The following GRIN2B variants were observed in gnomAD, a reference collection of about 807,000 sequenced individuals.
GRIN2B encodes the protein glutamate ionotropic receptor NMDA type subunit 2B, also known as glutamate receptor ionotropic, NMDA 2B.
A neutral mutation model predicts 114.5 loss-of-function variants in GRIN2B; 5 were observed. The observed-to-expected ratio is 0.04, with a 90% CI of 0.02 to 0.09. The LOEUF (loss-of-function observed/expected upper bound fraction) is 0.09. GRIN2B is among the 10% of genes least tolerant of loss of function. The probability of loss-of-function intolerance (pLI) is 1.00; values close to 1 mark genes in which losing one functional copy is unlikely to be tolerated. For synonymous variants in GRIN2B, 787 were observed against 745.1 expected, an observed-to-expected ratio of 1.06 and a Z score of -0.92; for missense variants, 1,108 against 1,943.5, an observed-to-expected ratio of 0.57 and a Z score of 8.08.
intron 4 of GRIN2B, among the ~76,000 whole-genome samples, chr12:13,745,277 C>T (rs1418206114): frequency 6.6e-6 from 1 of 152,188 alleles, no homozygotes; most frequent in Non-Finnish European, 1.5e-5. Flanking sequence ...TTACCCCCAC[C>T]CAGGCAGCCT....
chr12:13,763,894 G>A (rs1162246709), intron 3 of GRIN2B, among the ~76,000 whole-genome samples: 3 of 152,126 alleles, frequency 2.0e-5, no homozygotes, highest in Non-Finnish European at 2.9e-5. Context: ...TCCTTTTCCA[G>A]AATTATTCAA....
intron 3 of GRIN2B, among the ~76,000 whole-genome samples, chr12:13,827,021 G>T (rs1287926489): frequency 2.1e-5 from 3 of 143,148 alleles, no homozygotes; most frequent in African/African-American, 5.2e-5. Flanking sequence ...TTGTTGAGAG[G>T]TTTTTTTTTT....
intron 10 of GRIN2B, among the ~76,000 whole-genome samples, chr12:13,576,330 C>T (rs1446196871): frequency 2.6e-5 from 4 of 151,610 alleles, no homozygotes; most frequent in African/African-American, 4.9e-5. Flanking sequence ...TTATATGGCA[C>T]TTGCTTAGCC....
chr12:13,669,286 T>A (rs1220528167), intron 5 of GRIN2B, among the ~76,000 whole-genome samples: 1 of 152,008 alleles, frequency 6.6e-6, no homozygotes, highest in Admixed American at 6.6e-5. Flanking sequence ...ATCTCCACAC[T>A]TGGTACAATT....
At position 13,564,845 on chromosome 12, in the gene GRIN2B, A is replaced by G. The variant is rs1948617122; in HGVS notation, c.2599-206T>C. On this transcript the variant is annotated intron_variant, in intron 13 of 13. Coordinates refer to ENST00000609686, the MANE Select transcript of GRIN2B (RefSeq NM_000834.5). The surrounding 1 kb of genome is among the most constrained non-coding windows in gnomAD (Gnocchi z 4.8). ...GACTGTCATGTGGTGAGCTGAGGTC[A>G]GTGACCTGGCCATCAGAGGGGGGGG... 6.6e-6 allele frequency among the ~76,000 whole-genome samples: 1 copy of G among 151,976 alleles called. No homozygotes were observed. The highest frequency in any genetic ancestry group is 2.0e-4 in the East Asian group (1 of 5,118).
intron 4 of GRIN2B, among the ~76,000 whole-genome samples, chr12:13,707,960 G>C (rs1023060787): frequency 6.6e-6 from 1 of 151,962 alleles, no homozygotes; most frequent in Non-Finnish European, 1.5e-5. Context: ...TGATCTGCTG[G>C]ACCCAAGCTG....
rs1948617328 is a variant in GRIN2B at position 13,564,860 on chromosome 12, AG to A, written c.2599-222del. Among the ~76,000 whole-genome samples, 1 of 150,944 alleles carries A rather than the reference AG, an allele frequency of 6.6e-6. No homozygotes were observed. The highest frequency in any genetic ancestry group is 1.5e-5 in the Non-Finnish European group (1 of 67,534). ...AGCTGAGGTCAGTGACCTGGCCATC[AG>A]AGGGGGGGGCATGGCCCCACCCAGT... On this transcript the variant is annotated intron_variant, in intron 13 of 13. Transcript: ENST00000609686. The surrounding 1 kb of genome is among the most constrained non-coding windows in gnomAD (Gnocchi z 4.8).
chr12:13,636,787 A>G (rs1423582134), intron 5 of GRIN2B, among the ~76,000 whole-genome samples: 2 of 152,156 alleles, frequency 1.3e-5, no homozygotes, highest in Admixed American at 1.3e-4. Context: ...CTAGTGATGA[A>G]CTGTATGACC....
At position 13,563,470 on chromosome 12, in the gene GRIN2B, C is replaced by T. The variant is rs769331485; in HGVS notation, c.3768G>A (p.Glu1256=). The change falls in exon 14 of 14, where the codon GAG becomes GAA. Residue 1256 remains glutamate (E), a synonymous_variant. Transcript: ENST00000609686. The part of the protein sequence containing the change: ...KKAGNLYDIS[E]DNSLQELDQP... ...GGTCCAGTTCCTGCAGGGAGTTGTCCTCACTGATGTCATACAGGTTGCCTG... is the reference window on the plus strand; with the variant it reads ...GGTCCAGTTCCTGCAGGGAGTTGTCTTCACTGATGTCATACAGGTTGCCTG... The T allele has an allele frequency of 1.2e-6, 2 of 1,614,224 alleles. No individual in the cohort carries two copies. Among genetic ancestry groups the T allele is most frequent in the South Asian group, 1.1e-5 (1 of 91,084 alleles).
chr12:13,894,178 G>A (rs543392159), intron 2 of GRIN2B, among the ~76,000 whole-genome samples: 2 of 152,154 alleles, frequency 1.3e-5, no homozygotes, highest in East Asian at 3.9e-4. Context: ...TACAGATCAA[G>A]AGCTTTAAAA....
At chr12:13,900,725 C>G (rs1385522039) in intron 2 of GRIN2B, among the ~76,000 whole-genome samples, 1 of 152,116 alleles carries the variant, frequency 6.6e-6, no homozygotes, top group Non-Finnish European at 1.5e-5. Flanking sequence ...CATCCCTAAA[C>G]AGTATGTTCA....
Position 13,734,906 on chromosome 12 carries a change from G to T in GRIN2B, c.1010+18411C>A, listed in dbSNP as rs189094245. Among the ~76,000 whole-genome samples, 53 of 152,290 alleles carry T rather than the reference G, an allele frequency of 3.5e-4. 1 individual carries two copies. The highest frequency in any genetic ancestry group is 1.1e-3 in the African/African-American group (47 of 41,570). On this transcript the variant is annotated intron_variant, in intron 4 of 13. Transcript: ENST00000609686. The stretch of plus-strand genomic sequence containing the variant: ...ACAGCCTATGCAAATGCATGAAGGG[G>T]TAAAAGACTGCCATACTAAGAGAGT...
At chr12:13,936,098 A>G (rs1421104) in intron 2 of GRIN2B, among the ~76,000 whole-genome samples, 21,111 of 152,134 alleles carry the variant, frequency 0.14, 2,120 homozygotes, top group East Asian at 0.42. Flanking sequence ...AGAGGGCCCC[A>G]TGAGTCCAAG....
intron 3 of GRIN2B, among the ~76,000 whole-genome samples, chr12:13,796,204 A>C (rs755884796): frequency 1.3e-5 from 2 of 152,216 alleles, no homozygotes; most frequent in African/African-American, 2.4e-5. Context: ...GAAAATGTAG[A>C]AGGTTTTTGG....
intron 3 of GRIN2B, among the ~76,000 whole-genome samples, chr12:13,810,278 C>T (rs545910599): frequency 6.6e-6 from 1 of 151,508 alleles, no homozygotes; most frequent in South Asian, 2.1e-4. Flanking sequence ...TGCAATGTCA[C>T]GATCTTGGCT....
At chr12:13,858,312 G>A (rs186563036) in intron 3 of GRIN2B, among the ~76,000 whole-genome samples, 6 of 152,188 alleles carry the variant, frequency 3.9e-5, no homozygotes, top group East Asian at 3.9e-4. Flanking sequence ...TTCTTTGTCC[G>A]TGTAAAATAG....
At position 13,563,217 on chromosome 12, in the gene GRIN2B, C is replaced by T. The variant is rs371762359; in HGVS notation, c.4021G>A (p.Glu1341Lys). 6.2e-7 allele frequency: 1 copy of T among 1,614,108 alleles called. No individual in the cohort carries two copies. Among genetic ancestry groups the T allele is most frequent in the African/African-American group, 1.3e-5 (1 of 74,932 alleles). Residue 1341 changes from glutamate (E) to lysine (K), a missense_variant, in exon 14 of 14, where the codon GAG (glutamate) becomes AAG (lysine). Physicochemically the swap from Glu to Lys is moderately conservative, Grantham distance 56 (BLOSUM62 1). Transcript: ENST00000609686. ...AAGGTGCTCTCGCCAGCTGACATCTCAAACATGTGGGCGTAGGGGCTCCCA... is the reference window on the plus strand; with the variant it reads ...AAGGTGCTCTCGCCAGCTGACATCTTAAACATGTGGGCGTAGGGGCTCCCA... ...MDGSPYAHMF[E>K]MSAGESTFAN...
At chr12:13,976,019 G>T (rs533641199) in intron 2 of GRIN2B, among the ~76,000 whole-genome samples, 2 of 152,310 alleles carry the variant, frequency 1.3e-5, no homozygotes, top group African/African-American at 4.8e-5. Flanking sequence ...CACCTTGCTG[G>T]GTTCACAATC....
intron 4 of GRIN2B, among the ~76,000 whole-genome samples, chr12:13,721,913 C>G (rs1167617409): frequency 6.6e-6 from 1 of 152,020 alleles, no homozygotes; most frequent in Admixed American, 6.6e-5. Context: ...GAAAAACTGT[C>G]CAATAAGATG....
Sources: allele counts gnomAD v4.1 joint callset (sites outside exome capture counted in the v4.1 genomes callset), GRCh38; gene constraint gnomAD v4.1.1; non-coding constraint Gnocchi (gnomAD v3.1); transcripts MANE v1.5; gene names NCBI Gene and HGNC (gene_info 2026-07-23, HGNC 2026-07-21).